RPH3AL: variants seen among roughly 807,000 people sequenced by gnomAD.
RPH3AL encodes rabphilin 3A like (without C2 domains).
A neutral mutation model predicts 43.1 loss-of-function variants in RPH3AL; 38 were observed. The ratio of observed to expected loss-of-function variants is 0.88; its 90% confidence interval spans 0.68 to 1.15. The LOEUF (loss-of-function observed/expected upper bound fraction) is 1.15, where lower values mean the gene tolerates loss of function less well. Ranked by LOEUF, RPH3AL falls within the 50% of genes most tolerant of loss-of-function variation. The probability of loss-of-function intolerance (pLI) is 0.00; values close to 1 mark genes in which losing one functional copy is unlikely to be tolerated. For synonymous variants in RPH3AL, 189 were observed against 176.3 expected (o/e 1.07, Z -0.57); for missense variants, 462 against 423.2 (o/e 1.09, Z -0.81).
chr17:315,145 T>G (rs796077102), intron 5 of RPH3AL, among the ~76,000 whole-genome samples: 2 of 117,404 alleles, frequency 1.7e-5, no homozygotes, highest in Non-Finnish European at 3.6e-5. Context: ...TCCACCTCCA[T>G]TGACCTGTAG....
At chr17:312,742 T>C (rs4074627) in intron 5 of RPH3AL, among the ~76,000 whole-genome samples, 9,713 of 152,288 alleles carry the variant, frequency 0.064, 462 homozygotes, top group Non-Finnish European at 0.099. Context: ...AATGACCCCA[T>C]TTTACAGATG....
chr17:256,268 T>C (rs1162748447), intron 6 of RPH3AL, among the ~76,000 whole-genome samples: 22 of 86,746 alleles, frequency 2.5e-4, no homozygotes, highest in African/African-American at 6.3e-4. Context: ...ACGGCGTCTG[T>C]CCTTTTCCAT....
Position 338,065 on chromosome 17 carries a change from G to A in RPH3AL, c.-212-4131C>T, listed in dbSNP as rs1286718847. ...TTTTAACAGCCACAGCTCTGCCTAC[G>A]TGTCCCCAGAGGCATAGCTTGCTTT... On this transcript the variant is annotated intron_variant, in intron 1 of 9. Transcript: ENST00000331302. Among the ~76,000 whole-genome samples, 7 of 152,182 alleles carry A rather than the reference G, an allele frequency of 4.6e-5. No homozygotes were observed. In the South Asian group the frequency reaches 6.2e-4, roughly 13 times the overall value.
intron 2 of RPH3AL, chr17:332,817 G>A (rs2044820628): frequency 5.7e-6 from 2 of 351,700 alleles, no homozygotes; most frequent in Non-Finnish European, 1.1e-5. Flanking sequence ...GTGCCACCTC[G>A]ACCCCGCCGG....
At chr17:218,481 C>A (rs961755443) in intron 8 of RPH3AL, among the ~76,000 whole-genome samples, 10 of 152,096 alleles carry the variant, frequency 6.6e-5, no homozygotes. Flanking sequence ...AAATCAGGAC[C>A]TCCAAGGCAT....
chr17:222,129 G>T (rs2041006592), intron 7 of RPH3AL, among the ~76,000 whole-genome samples: 1 of 151,858 alleles, frequency 6.6e-6, no homozygotes, highest in African/African-American at 2.4e-5. Flanking sequence ...GCTCTGCAGG[G>T]ATGTGGGGAC....
intron 5 of RPH3AL, among the ~76,000 whole-genome samples, chr17:293,284 G>T (rs573406315): frequency 6.6e-6 from 1 of 152,330 alleles, no homozygotes; most frequent in Non-Finnish European, 1.5e-5. Context: ...ACTGCGTCCC[G>T]AGTGGAGAGG....
chr17:330,875 C>CA (rs34939177), intron 2 of RPH3AL: 47,069 of 136,872 alleles, frequency 0.34, 8,420 homozygotes, highest in East Asian at 0.65. Context: ...GACATAATCT[C>CA]AAAAAAAAAA....
chr17:336,215 C>T (rs925255041), intron 1 of RPH3AL, among the ~76,000 whole-genome samples: 18 of 152,266 alleles, frequency 1.2e-4, no homozygotes, highest in African/African-American at 2.9e-4. Flanking sequence ...TACTATGACA[C>T]GGGAAACACG....
intron 6 of RPH3AL, among the ~76,000 whole-genome samples, chr17:259,984 G>C (rs2042162476): frequency 6.6e-6 from 1 of 152,312 alleles, no homozygotes; most frequent in African/African-American, 2.4e-5. Context: ...CCTGCCACTG[G>C]AGGGGGTGGG....
intron 5 of RPH3AL, among the ~76,000 whole-genome samples, chr17:315,471 C>T (rs1222252170): frequency 1.6e-4 from 2 of 12,282 alleles, no homozygotes; most frequent in African/African-American, 4.2e-4. Flanking sequence ...AGTCCCTGTG[C>T]TCCCACCTCC....
chr17:230,797 G>A (rs1445603436), intron 7 of RPH3AL, among the ~76,000 whole-genome samples: 3 of 152,182 alleles, frequency 2.0e-5, no homozygotes, highest in African/African-American at 7.2e-5. Flanking sequence ...TGTCTCTGGG[G>A]CCTTCACTGT....
intron 6 of RPH3AL, among the ~76,000 whole-genome samples, chr17:273,996 A>T (rs1470291849): frequency 6.6e-6 from 1 of 152,204 alleles, no homozygotes; most frequent in African/African-American, 2.4e-5. Flanking sequence ...CGCTGCAGGA[A>T]TGGTTTGCAG....
chr17:293,430 G>A (rs1416234773), intron 5 of RPH3AL, among the ~76,000 whole-genome samples: 3 of 152,014 alleles, frequency 2.0e-5, no homozygotes, highest in Admixed American at 6.6e-5. Context: ...CAGGGAAATC[G>A]GGGTATTCAG....
chr17:230,620 G>A (rs2041209308), intron 7 of RPH3AL, among the ~76,000 whole-genome samples: 3 of 152,214 alleles, frequency 2.0e-5, no homozygotes, highest in Admixed American at 1.3e-4. Context: ...GCATACAGGG[G>A]ACATGGCCTG....
rs571739765 is a variant in RPH3AL, at chr17:347,894, G to A, written c.-213+4818C>T. ...AAAATGAGCTAGTAAGGCTGGGCAGGATGGCTCATGCCTGTAATCCCAGCA... is the reference window on the plus strand; with the variant it reads ...AAAATGAGCTAGTAAGGCTGGGCAGAATGGCTCATGCCTGTAATCCCAGCA... On this transcript the variant is annotated intron_variant, in intron 1 of 9. Transcript: ENST00000331302. Among the ~76,000 whole-genome samples the A allele has an allele frequency of 2.6e-4, 40 of 152,056 alleles. 1 individual carries two copies. Among genetic ancestry groups the A allele is most frequent in the Middle Eastern group, 6.8e-3 (2 of 294 alleles).
chr17:298,524 C>T (rs2043236494), intron 5 of RPH3AL, among the ~76,000 whole-genome samples: 2 of 148,424 alleles, frequency 1.3e-5, no homozygotes. Context: ...CAGCGAAACC[C>T]CATCTCTACT....
chr17:315,586 T>C (rs1555520141), intron 5 of RPH3AL, among the ~76,000 whole-genome samples: 32 of 141,380 alleles, frequency 2.3e-4, no homozygotes, highest in South Asian at 9.1e-4. Flanking sequence ...TGACCTGTAG[T>C]CCCTGTGCTC....
chr17:326,418 G>A (rs755691882), intron 3 of RPH3AL, among the ~76,000 whole-genome samples: 1 of 152,142 alleles, frequency 6.6e-6, no homozygotes, highest in Non-Finnish European at 1.5e-5. Flanking sequence ...AGGATGAAGG[G>A]GCCCTTTTGG....
Sources: gnomAD v4.1 joint callset for allele counts (sites outside exome capture counted in the v4.1 genomes callset) on GRCh38, gnomAD v4.1.1 for gene constraint, MANE v1.5 for transcripts, NCBI Gene and HGNC (gene_info 2026-07-23, HGNC 2026-07-21) for gene names.